The following RAD51C variants were observed in gnomAD, a reference collection of about 807,000 sequenced individuals.
The protein encoded by RAD51C is DNA repair protein RAD51 homolog 3.
A neutral mutation model predicts 45.0 loss-of-function variants in RAD51C; 42 were observed. That is an observed-to-expected ratio of 0.93 (90% CI 0.73 to 1.21). The LOEUF (loss-of-function observed/expected upper bound fraction) is 1.21. Among genes scored for constraint, RAD51C ranks in the 50% most tolerant of loss-of-function variants. RAD51C has a pLI of 0.00. For synonymous variants in RAD51C, 172 were observed against 159.8 expected, an observed-to-expected ratio of 1.08 and a Z score of -0.58; for missense variants, 474 against 452.2, an observed-to-expected ratio of 1.05 and a Z score of -0.44.
chr17:58,722,958 G>A (rs946029618), intron 6 of RAD51C, among the ~76,000 whole-genome samples: 2 of 152,152 alleles, frequency 1.3e-5, no homozygotes, highest in Non-Finnish European at 2.9e-5. Flanking sequence ...CAAATCAGTA[G>A]GGTAATGACA....
At chr17:58,732,446 C>A in intron 7 of RAD51C, 38 bp from the exon 8 acceptor site, 2 of 1,559,020 alleles carry the variant, frequency 1.3e-6, no homozygotes, top group East Asian at 2.2e-5. Context: ...TAATTAAGTT[C>A]ATGTGTTTGT....
At chr17:58,705,576 C>T (rs563789076) in intron 4 of RAD51C, among the ~76,000 whole-genome samples, 1 of 152,230 alleles carries the variant, frequency 6.6e-6, no homozygotes, top group South Asian at 2.1e-4. Flanking sequence ...TTGTGATCCG[C>T]CCACCTCGGC....
At chr17:58,711,134 AT>A in intron 5 of RAD51C, among the ~76,000 whole-genome samples, 1 of 152,262 alleles carries the variant, frequency 6.6e-6, no homozygotes, top group Admixed American at 6.5e-5. Context: ...CCTTTTGTTA[AT>A]ATCAGTGAAG....
chr17:58,733,220 T>C (rs1289016994), intron 8 of RAD51C, among the ~76,000 whole-genome samples: 1 of 152,208 alleles, frequency 6.6e-6, no homozygotes, highest in Non-Finnish European at 1.5e-5. Context: ...TTCGCCATGT[T>C]GGCCAGACTA....
chr17:58,728,953 G>A (rs549553936), intron 7 of RAD51C, among the ~76,000 whole-genome samples: 1 of 152,142 alleles, frequency 6.6e-6, no homozygotes, highest in Non-Finnish European at 1.5e-5. Flanking sequence ...TTGCCAAGAC[G>A]ATCTGGTGGT....
chr17:58,695,221 G>T, intron 2 of RAD51C, 32 bp downstream of exon 2: 2 of 1,589,940 alleles, frequency 1.3e-6, no homozygotes, highest in South Asian at 2.3e-5. Flanking sequence ...TTAAGGGTGG[G>T]TTTAATAACA....
chr17:58,696,753 A>C lies in RAD51C; in HGVS notation c.465A>C (p.Ala155=). Residue 155 remains alanine, a synonymous_variant, in exon 3 of 9, where the codon GCA becomes GCC. Transcript: ENST00000337432. The part of the protein sequence containing the change: ...PECFGGVAGE[A]VFIDTEGSFM... ...GTTTTGGAGGAGTGGCAGGTGAAGCAGTTTTTATTGATACAGAGGGAAGTT... is the reference window on the plus strand; with the variant it reads ...GTTTTGGAGGAGTGGCAGGTGAAGCCGTTTTTATTGATACAGAGGGAAGTT... 1.9e-6 allele frequency: 3 copies of C among 1,614,224 alleles called. No individual in the cohort carries two copies. The highest frequency in any genetic ancestry group is 2.5e-6 in the Non-Finnish European group (3 of 1,180,042).
upstream of RAD51C, chr17:58,692,581 G>T (rs2143667055): frequency 6.3e-7 from 1 of 1,594,148 alleles, no homozygotes; most frequent in South Asian, 1.1e-5. Flanking sequence ...CTGACGTCAC[G>T]CCGCACGCCC....
intron 4 of RAD51C, among the ~76,000 whole-genome samples, chr17:58,707,241 G>A (rs533302278): frequency 2.7e-4 from 41 of 152,130 alleles, no homozygotes; most frequent in East Asian, 9.7e-4. Context: ...CAGAATAGCC[G>A]GGCATGGTGG....
intron 7 of RAD51C, among the ~76,000 whole-genome samples, chr17:58,725,263 TGTAA>T (rs1281300134): frequency 6.6e-6 from 1 of 152,186 alleles, no homozygotes; most frequent in Admixed American, 6.6e-5. Flanking sequence ...CTCCTAGTTT[TGTAA>T]GTAAGTTGCT....
In RAD51C at chr17:58,734,191, AACGGTCACGAG is replaced by A; in HGVS notation, c.1103_1113del (p.Arg368ProfsTer21). 1 of 1,613,070 alleles carries A rather than the reference AACGGTCACGAG, an allele frequency of 6.2e-7. No individual in the cohort carries two copies. The highest frequency in any genetic ancestry group is 8.5e-7 in the Non-Finnish European group (1 of 1,179,442). On this transcript the variant is annotated frameshift_variant, in exon 9 of 9. Transcript: ENST00000337432. LOFTEE classifies it high-confidence loss of function. ...ACAGAAGGTTCCTTGAGCACCCGGA[AACGGTCACGAG>A]ACCCAGAGGAAGAATTATAACCCAG...
intron 4 of RAD51C, chr17:58,709,568 TG>T (rs2048483053): frequency 7.9e-6 from 2 of 253,236 alleles, no homozygotes; most frequent in East Asian, 2.0e-4. Context: ...TCCAATGCTA[TG>T]TTTTTTTCTA....
At chr17:58,725,089 G>A (rs879071489) in intron 7 of RAD51C, among the ~76,000 whole-genome samples, 3 of 152,224 alleles carry the variant, frequency 2.0e-5, no homozygotes, top group Admixed American at 2.0e-4. Context: ...CTTTAAAAAT[G>A]GTATTTGCAA....
At chr17:58,700,730 A>G (rs1206073292) in intron 3 of RAD51C, among the ~76,000 whole-genome samples, 1 of 152,092 alleles carries the variant, frequency 6.6e-6, no homozygotes, top group African/African-American at 2.4e-5. Context: ...GTGAGCCACC[A>G]CACCTGGCCT....
chr17:58,693,325 GA>G (rs2047861178), intron 1 of RAD51C: 1 of 166,090 alleles, frequency 6.0e-6, no homozygotes, highest in Non-Finnish European at 1.3e-5. Context: ...GTAATTAACT[GA>G]AACACCCAAA....
At chr17:58,692,991 C>A in intron 1 of RAD51C, 2 of 713,908 alleles carry the variant, frequency 2.8e-6, no homozygotes. Context: ...AAAACATTTA[C>A]TAATTGCTTT....
At chr17:58,704,687 A>G (rs898180455) in intron 4 of RAD51C, among the ~76,000 whole-genome samples, 12 of 151,984 alleles carry the variant, frequency 7.9e-5, no homozygotes, top group Non-Finnish European at 4.4e-5. Context: ...TGATACCCCT[A>G]TTAGAATAGT....
intron 1 of RAD51C, chr17:58,693,385 A>G (rs1179524764): frequency 6.3e-6 from 1 of 158,284 alleles, no homozygotes; most frequent in Non-Finnish European, 1.4e-5. Flanking sequence ...ATCCTGAGAC[A>G]TACAAATATG....
chr17:58,701,654 TC>T (rs2048216220), intron 3 of RAD51C, among the ~76,000 whole-genome samples: 1 of 150,532 alleles, frequency 6.6e-6, no homozygotes, highest in Non-Finnish European at 1.5e-5. Context: ...CACTACAACC[TC>T]CGTCTCCCGG....
Sources: gnomAD v4.1 joint callset for allele counts (sites outside exome capture counted in the v4.1 genomes callset) on GRCh38, gnomAD v4.1.1 for gene constraint, MANE v1.5 for transcripts, NCBI Gene and HGNC (gene_info 2026-07-23, HGNC 2026-07-21) for gene names.